CCSER1: variants seen among roughly 807,000 people sequenced by gnomAD.
CCSER1 encodes the protein coiled-coil serine rich protein 1.
Under a neutral mutation model 82.0 loss-of-function variants are expected in CCSER1, and 41 were observed. The ratio of observed to expected loss-of-function variants is 0.50; its 90% confidence interval spans 0.39 to 0.65. CCSER1 has a LOEUF of 0.65. Among genes scored for constraint, CCSER1 ranks in the 30% least tolerant of loss-of-function variants. The pLI is 0.00. For synonymous variants in CCSER1, 414 were observed against 383.9 expected, an observed-to-expected ratio of 1.08 and a Z score of -0.92; for missense variants, 1,119 against 1,064.2, an observed-to-expected ratio of 1.05 and a Z score of -0.72.
In CCSER1 at chr4:91,392,363, G is replaced by GCACACACACA. The variant is rs142343973; in HGVS notation, c.2218-206191_2218-206182dup. 2.1e-4 allele frequency among the ~76,000 whole-genome samples: 31 copies of GCACACACACA among 148,212 alleles called. 1 individual carries two copies. The East Asian group carries it at 4.8e-3, about 23-fold the overall frequency. ...AGTTAGCAATATGAAACCTACACAT[G>GCACACACACA]CACACACACACACACACACACACAC... On this transcript the variant is annotated intron_variant, in intron 10 of 10. Coordinates refer to ENST00000509176, the MANE Select transcript of CCSER1 (RefSeq NM_001145065.2).
intron 7 of CCSER1, among the ~76,000 whole-genome samples, chr4:90,786,021 T>G (rs1046832880): frequency 2.0e-5 from 3 of 152,202 alleles, no homozygotes; most frequent in Middle Eastern, 3.2e-3. Flanking sequence ...CTAAAACAAA[T>G]TTCTGGCCTG....
intron 10 of CCSER1, among the ~76,000 whole-genome samples, chr4:91,238,499 A>G (rs1171891578): frequency 6.6e-6 from 1 of 152,234 alleles, no homozygotes; most frequent in Non-Finnish European, 1.5e-5. Flanking sequence ...AAACTGTGAG[A>G]TAATAACTTT....
intron 6 of CCSER1, among the ~76,000 whole-genome samples, chr4:90,703,859 A>G (rs1304685441): frequency 2.6e-5 from 4 of 151,970 alleles, no homozygotes; most frequent in Admixed American, 1.3e-4. Flanking sequence ...TTTTGAGTCT[A>G]TGTGTGTCTC....
intron 1 of CCSER1, among the ~76,000 whole-genome samples, chr4:90,147,773 T>TA (rs1190279099): frequency 6.6e-5 from 10 of 151,294 alleles, no homozygotes; most frequent in African/African-American, 1.7e-4. Context: ...AATGTGCCCT[T>TA]AAAAAAAAAG....
intron 5 of CCSER1, among the ~76,000 whole-genome samples, chr4:90,515,752 C>T (rs1772178570): frequency 6.6e-6 from 1 of 152,104 alleles, no homozygotes; most frequent in African/African-American, 2.4e-5. Context: ...AAAACTGAGA[C>T]ATAGAGTGAG....
intron 10 of CCSER1, among the ~76,000 whole-genome samples, chr4:91,583,185 T>C (rs1763814926): frequency 1.3e-5 from 2 of 151,426 alleles, no homozygotes; most frequent in Non-Finnish European, 3.0e-5. Flanking sequence ...TCTCTGATTA[T>C]ATTTATTGTG....
chr4:90,686,599 C>G (rs944393071), intron 6 of CCSER1, among the ~76,000 whole-genome samples: 1 of 152,010 alleles, frequency 6.6e-6, no homozygotes, highest in Non-Finnish European at 1.5e-5. Flanking sequence ...CTTTCTCTGC[C>G]TTCTGATAGA....
chr4:91,385,384 T>A (rs756002861), intron 10 of CCSER1, among the ~76,000 whole-genome samples: 54 of 151,946 alleles, frequency 3.6e-4, no homozygotes, highest in Non-Finnish European at 6.5e-4. Flanking sequence ...ATATACCAAC[T>A]TATCTGAATA....
intron 10 of CCSER1, among the ~76,000 whole-genome samples, chr4:91,534,111 A>T (rs1761175854): frequency 6.6e-6 from 1 of 152,114 alleles, no homozygotes. Context: ...CATTCAAGGT[A>T]GCCACAATCT....
intron 10 of CCSER1, among the ~76,000 whole-genome samples, chr4:91,170,467 A>T (rs999210996): frequency 2.0e-5 from 3 of 152,144 alleles, no homozygotes; most frequent in Admixed American, 6.5e-5. Flanking sequence ...TGTTACTAAA[A>T]TGAGAAACAT....
intron 10 of CCSER1, among the ~76,000 whole-genome samples, chr4:91,306,947 T>C (rs1219551199): frequency 6.6e-6 from 1 of 152,018 alleles, no homozygotes; most frequent in Non-Finnish European, 1.5e-5. Flanking sequence ...GCTGGTGTCA[T>C]CTAAAGAACA....
Position 90,309,561 on chromosome 4 carries a change from A to C in CCSER1, c.1277A>C (p.His426Pro). Residue 426 changes from histidine (H) to proline (P), a missense_variant, in exon 2 of 11, where the codon CAT becomes CCT. Coordinates refer to ENST00000509176, the MANE Select transcript of CCSER1 (RefSeq NM_001145065.2). ...ATAATACCTACTTCTGGTGATCATC[A>C]TATTTTTAACAAAACATCACATGGA... ...SKIIPTSGDH[H>P]IFNKTSHGYE... is the part of the protein sequence containing the mutation. 6.2e-7 allele frequency: 1 copy of C among 1,605,914 alleles called. No individual in the cohort carries two copies.
chr4:90,976,366 C>CT (rs913325715), intron 9 of CCSER1, among the ~76,000 whole-genome samples: 2 of 150,974 alleles, frequency 1.3e-5, no homozygotes, highest in Admixed American at 1.3e-4. Context: ...AATAAGATTT[C>CT]TTTTTTGTAT....
At chr4:91,276,674 C>T (rs1052338377) in intron 10 of CCSER1, among the ~76,000 whole-genome samples, 5 of 151,988 alleles carry the variant, frequency 3.3e-5, no homozygotes, top group African/African-American at 9.7e-5. Flanking sequence ...GCTATGTCTG[C>T]CAGTACTGTG....
At chr4:90,893,903 A>G (rs1352409391) in intron 8 of CCSER1, among the ~76,000 whole-genome samples, 1 of 151,818 alleles carries the variant, frequency 6.6e-6, no homozygotes, top group Non-Finnish European at 1.5e-5. Flanking sequence ...TTATTCACAT[A>G]TTTTCATTTT....
intron 8 of CCSER1, among the ~76,000 whole-genome samples, chr4:90,864,085 G>A (rs1341896413): frequency 2.0e-5 from 3 of 149,436 alleles, no homozygotes; most frequent in African/African-American, 7.4e-5. Context: ...TCTTTTCCAT[G>A]TCAACTTGCT....
intron 1 of CCSER1, among the ~76,000 whole-genome samples, chr4:90,239,436 C>G (rs576838241): frequency 6.6e-6 from 1 of 152,208 alleles, no homozygotes; most frequent in Admixed American, 6.5e-5. Flanking sequence ...AGCTAATATT[C>G]AAAATAACTC....
chr4:90,860,361 T>C (rs181086456), intron 8 of CCSER1, among the ~76,000 whole-genome samples: 19 of 151,702 alleles, frequency 1.3e-4, no homozygotes, highest in African/African-American at 4.6e-4. Flanking sequence ...TAAAAAATAT[T>C]AGCAAGGATA....
At chr4:90,202,951 G>A (rs1275426138) in intron 1 of CCSER1, among the ~76,000 whole-genome samples, 1 of 152,102 alleles carries the variant, frequency 6.6e-6, no homozygotes, top group Non-Finnish European at 1.5e-5. Context: ...AGGAATATTT[G>A]CAATCTGTAT....
Sources: gnomAD v4.1 joint callset for allele counts (sites outside exome capture counted in the v4.1 genomes callset) on GRCh38, gnomAD v4.1.1 for gene constraint, MANE v1.5 for transcripts, NCBI Gene and HGNC (gene_info 2026-07-23, HGNC 2026-07-21) for gene names.